The following KIAA0513 variants were observed in gnomAD, a reference collection of about 807,000 sequenced individuals.
The protein encoded by KIAA0513 is uncharacterized protein KIAA0513.
In KIAA0513, 39 loss-of-function variants were observed where a neutral mutation model predicts 56.5. The ratio of observed to expected loss-of-function variants is 0.69; its 90% CI spans 0.53 to 0.90. The LOEUF (loss-of-function observed/expected upper bound fraction) is 0.90, where lower values mean the gene tolerates loss of function less well. Ranked by LOEUF, KIAA0513 falls within the 40% of genes least tolerant of loss-of-function variation. KIAA0513 has a pLI of 0.00. For missense variants in KIAA0513, 591 were observed against 535.2 expected, an observed-to-expected ratio of 1.10 and a Z score of -1.03; for synonymous variants, 268 against 215.6, an observed-to-expected ratio of 1.24 and a Z score of -2.13.
intron 1 of KIAA0513, among the ~76,000 whole-genome samples, chr16:85,035,807 T>A (rs1038224602): frequency 6.6e-6 from 1 of 151,908 alleles, no homozygotes; most frequent in African/African-American, 2.4e-5. Context: ...TGAAACCCCG[T>A]CTCTACTAAA....
chr16:85,029,109 C>A (rs1011126187), intron 1 of KIAA0513, among the ~76,000 whole-genome samples: 1 of 152,202 alleles, frequency 6.6e-6, no homozygotes, highest in African/African-American at 2.4e-5. Context: ...CTTTGGCTGT[C>A]ACTTGTTTTT....
chr16:85,071,690 C>T (rs12445079), intron 2 of KIAA0513, 93 bp from the exon 3 acceptor site: 164,318 of 1,032,690 alleles, frequency 0.16, 14,692 homozygotes, highest in Middle Eastern at 0.25. Context: ...GGGAATATTT[C>T]GTTAGTTCCT....
At chr16:85,058,935 G>A (rs1463607335) in intron 1 of KIAA0513, among the ~76,000 whole-genome samples, 1 of 152,178 alleles carries the variant, frequency 6.6e-6, no homozygotes, top group East Asian at 1.9e-4. Flanking sequence ...TAAATCTACT[G>A]CCCAACTGCC....
chr16:85,072,908 T>C lies in KIAA0513; in HGVS notation c.430-17T>C. 6.2e-7 allele frequency: 1 copy of C among 1,613,646 alleles called. No individual in the cohort carries two copies. Among genetic ancestry groups the C allele is most frequent in the South Asian group, 1.1e-5 (1 of 91,064 alleles). ...TCGCCCTGAACCTCAATGATGTGTC[T>C]GCCTCTTTCTGGACAGCGCTGCAAC... On this transcript the variant is annotated splice_polypyrimidine_tract_variant and intron_variant, in intron 3 of 12. Transcript: ENST00000683363.
At chr16:85,078,801 G>A (rs2073698008) in intron 7 of KIAA0513, 124 bp from the exon 8 acceptor site, 2 of 1,051,706 alleles carry the variant, frequency 1.9e-6, no homozygotes, top group Non-Finnish European at 2.9e-6. Flanking sequence ...CCACGGTGGG[G>A]TTTGCATCAC....
rs912457270 is a variant in KIAA0513 at position 85,068,786 on chromosome 16, A to G, written c.329+1386A>G. Among the ~76,000 whole-genome samples the G allele has an allele frequency of 1.1e-4, 16 of 152,236 alleles. No individual in the cohort carries two copies. In the East Asian group the frequency reaches 2.5e-3, roughly 24 times the overall value. On this transcript the variant is annotated intron_variant, in intron 2 of 12. Coordinates refer to ENST00000683363, the MANE Select transcript of KIAA0513 (RefSeq NM_001388359.1). ...CCGGCCATCCATGCATTCTTAAACA[A>G]GGCTTTGGAGGGACTGTCTCTTTCT... is the stretch of plus-strand genomic sequence containing the variant.
At chr16:85,086,469 C>T (rs2073809686) in intron 10 of KIAA0513, among the ~76,000 whole-genome samples, 175 bp from the exon 11 acceptor site, 1 of 152,228 alleles carries the variant, frequency 6.6e-6, no homozygotes, top group African/African-American at 2.4e-5. Flanking sequence ...GTGAGGATCC[C>T]GGCAGGCCTT....
chr16:85,084,751 G>C (rs1268891797), intron 10 of KIAA0513, among the ~76,000 whole-genome samples: 2 of 150,156 alleles, frequency 1.3e-5, no homozygotes. Context: ...TTTTAGTAGA[G>C]ACAGAGTTGC....
Position 85,078,929 on chromosome 16 carries a change from C to T in KIAA0513, c.828C>T (p.Thr276=), listed in dbSNP as rs753884307. Residue 276 remains threonine, a synonymous_variant, in exon 8 of 13, where the codon ACC becomes ACT. Coordinates refer to ENST00000683363, the MANE Select transcript of KIAA0513 (RefSeq NM_001388359.1). ...KPQEKRPRAV[T]AYSPEDEKKG... Reference sequence around the variant, plus strand: ...CCATTCTCTCTCCTCCCACAGTGACCGCGTACAGCCCCGAGGACGAAAAGA... The same window carrying T: ...CCATTCTCTCTCCTCCCACAGTGACTGCGTACAGCCCCGAGGACGAAAAGA... 49 of 1,614,016 alleles carry T rather than the reference C, an allele frequency of 3.0e-5. No homozygotes were observed. The highest frequency in any genetic ancestry group is 6.7e-5 in the Admixed American group (4 of 59,990).
intron 8 of KIAA0513, chr16:85,079,746 A>G (rs2073715054): frequency 6.6e-6 from 1 of 152,224 alleles, no homozygotes; most frequent in Non-Finnish European, 1.5e-5. Flanking sequence ...TACACTAAAA[A>G]TCACTGAATT....
At chr16:85,066,766 C>G (rs958813221) in intron 1 of KIAA0513, 134 bp from the exon 2 acceptor site, 3 of 341,952 alleles carry the variant, frequency 8.8e-6, no homozygotes, top group African/African-American at 2.1e-5. Flanking sequence ...GTAAAGCGGA[C>G]AGTAGGAAGA....
At chr16:85,037,902 G>A (rs2073055919) in intron 1 of KIAA0513, among the ~76,000 whole-genome samples, 1 of 152,202 alleles carries the variant, frequency 6.6e-6, no homozygotes, top group African/African-American at 2.4e-5. Flanking sequence ...GCCCCGTGAG[G>A]CTGCACGTCC....
At chr16:85,066,545 G>C (rs567159007) in intron 1 of KIAA0513, among the ~76,000 whole-genome samples, 3 of 152,174 alleles carry the variant, frequency 2.0e-5, no homozygotes, top group African/African-American at 2.4e-5. Context: ...GTGACAGCTA[G>C]CGGGCAGGTG....
At chr16:85,060,802 C>G (rs1026918874) in intron 1 of KIAA0513, among the ~76,000 whole-genome samples, 1 of 151,150 alleles carries the variant, frequency 6.6e-6, no homozygotes, top group Non-Finnish European at 1.5e-5. Context: ...CAAGATTGCA[C>G]CACTCTACTT....
chr16:85,037,937 T>C (rs1185882949), intron 1 of KIAA0513, among the ~76,000 whole-genome samples: 2 of 152,192 alleles, frequency 1.3e-5, no homozygotes, highest in Non-Finnish European at 2.9e-5. Context: ...CATCTGTTCT[T>C]GCTAGCATGC....
chr16:85,061,844 G>A (rs554730752), intron 1 of KIAA0513, among the ~76,000 whole-genome samples: 7 of 152,298 alleles, frequency 4.6e-5, no homozygotes, highest in Non-Finnish European at 8.8e-5. Flanking sequence ...GGTTGCAGCA[G>A]GAGGTTAGGA....
intron 1 of KIAA0513, among the ~76,000 whole-genome samples, chr16:85,029,973 C>T (rs1438811708): frequency 1.3e-5 from 2 of 152,154 alleles, no homozygotes; most frequent in African/African-American, 4.8e-5. Context: ...TTAACCCAAC[C>T]GTCTGACGCT....
At chr16:85,080,871 C>T (rs1032898919) in intron 8 of KIAA0513, among the ~76,000 whole-genome samples, 3 of 152,224 alleles carry the variant, frequency 2.0e-5, no homozygotes, top group Admixed American at 1.3e-4. Flanking sequence ...GCTCAGCACA[C>T]GAGGAGTCCC....
Position 85,087,060 on chromosome 16 carries a change from T to C in KIAA0513, c.1092-12T>C, listed in dbSNP as rs1227983426. ...AGGCCAGCGGGTGACGCTCTTGGGG[T>C]TTCTCCTGCAGCACATTCACGCACA... On this transcript the variant is annotated splice_polypyrimidine_tract_variant and intron_variant, in intron 11 of 12. Transcript: ENST00000683363. 1 of 1,613,686 alleles carries C rather than the reference T, an allele frequency of 6.2e-7. No homozygotes were observed. The highest frequency in any genetic ancestry group is 1.7e-5 in the Admixed American group (1 of 60,008).
Sources: gnomAD v4.1 joint callset for allele counts (sites outside exome capture counted in the v4.1 genomes callset) on GRCh38, gnomAD v4.1.1 for gene constraint, MANE v1.5 for transcripts, NCBI Gene and HGNC (gene_info 2026-07-23, HGNC 2026-07-21) for gene names.